The following CLSTN2 variants were observed in gnomAD, a reference collection of about 807,000 sequenced individuals.
CLSTN2 encodes the protein calsyntenin-2.
A neutral mutation model predicts 101.2 loss-of-function variants in CLSTN2; 48 were observed. The ratio of observed to expected loss-of-function variants is 0.47; its 90% CI spans 0.38 to 0.60. The LOEUF is 0.60. Ranked by LOEUF, CLSTN2 falls within the 20% of genes least tolerant of loss-of-function variation. CLSTN2 has a pLI of 0.00. For missense variants in CLSTN2, 1,160 were observed against 1,238.2 expected (o/e 0.94, Z 0.95); for synonymous variants, 481 against 463.6 (o/e 1.04, Z -0.48).
At chr3:140,262,328 T>A (rs1037853964) in intron 2 of CLSTN2, among the ~76,000 whole-genome samples, 5 of 152,226 alleles carry the variant, frequency 3.3e-5, no homozygotes, top group African/African-American at 1.2e-4. Flanking sequence ...CCAGTCAGCA[T>A]GGCTTTCAAT....
chr3:140,217,542 G>A (rs1351549922), intron 2 of CLSTN2, among the ~76,000 whole-genome samples: 1 of 152,174 alleles, frequency 6.6e-6, no homozygotes, highest in Non-Finnish European at 1.5e-5. Flanking sequence ...GACAAAAATA[G>A]GAAAATGTAT....
chr3:140,444,228 G>A (rs574845058), intron 5 of CLSTN2, among the ~76,000 whole-genome samples: 9 of 152,182 alleles, frequency 5.9e-5, no homozygotes, highest in Admixed American at 1.3e-4. Context: ...TCAGGAGTTC[G>A]AGACCAGCCT....
At chr3:140,467,189 C>A (rs952711115) in intron 8 of CLSTN2, among the ~76,000 whole-genome samples, 2 of 152,190 alleles carry the variant, frequency 1.3e-5, no homozygotes, top group Admixed American at 1.3e-4. Context: ...TTAGGCAGTG[C>A]ATGCTCTTTT....
At chr3:140,465,414 T>A (rs2108020288) in intron 7 of CLSTN2, among the ~76,000 whole-genome samples, 1 of 152,304 alleles carries the variant, frequency 6.6e-6, no homozygotes, top group South Asian at 2.1e-4. Context: ...AGAAAAGTGC[T>A]CATATCACTG....
chr3:140,213,639 T>C (rs535086628), intron 2 of CLSTN2, among the ~76,000 whole-genome samples: 18 of 152,326 alleles, frequency 1.2e-4, no homozygotes, highest in African/African-American at 4.1e-4. Context: ...CCCTCCTCTG[T>C]GCTACATTTA....
intron 1 of CLSTN2, among the ~76,000 whole-genome samples, chr3:140,156,931 C>G (rs2009963894): frequency 6.6e-6 from 1 of 152,062 alleles, no homozygotes; most frequent in African/African-American, 2.4e-5. Flanking sequence ...CTCGGAGGAC[C>G]TGGACAAACA....
intron 2 of CLSTN2, among the ~76,000 whole-genome samples, chr3:140,316,471 TATTTC>T (rs1031559621): frequency 3.0e-4 from 46 of 152,320 alleles, no homozygotes; most frequent in African/African-American, 9.1e-4. Context: ...CTCTTGCAAT[TATTTC>T]ATTTCTTTTC....
In CLSTN2 at chr3:140,427,199, A is replaced by ATGTG. The variant is rs1337143037; in HGVS notation, c.787+5926_787+5927insGTGT. 1.5e-3 allele frequency among the ~76,000 whole-genome samples: 114 copies of ATGTG among 74,856 alleles called. 6 individuals are homozygous for ATGTG. Among genetic ancestry groups the ATGTG allele is most frequent in the African/African-American group, 8.0e-3 (98 of 12,238 alleles). The allele number at this position is 74,856 out of a possible 152,430, so 49.1% of individuals were successfully genotyped here. On this transcript the variant is annotated intron_variant, in intron 5 of 16. Coordinates refer to ENST00000458420, the MANE Select transcript of CLSTN2 (RefSeq NM_022131.3). ...AAAAAAAAAAAATATATATATATAT[A>ATGTG]TATATGTGTATATATATATATATAT...
intron 2 of CLSTN2, among the ~76,000 whole-genome samples, chr3:140,357,705 T>C (rs1026721745): frequency 6.6e-5 from 10 of 152,152 alleles, no homozygotes; most frequent in Non-Finnish European, 1.0e-4. Context: ...TTTGTGTTTT[T>C]CTCAACATGC....
chr3:140,531,112 A>C (rs961308943), intron 8 of CLSTN2, among the ~76,000 whole-genome samples: 1 of 152,208 alleles, frequency 6.6e-6, no homozygotes, highest in East Asian at 1.9e-4. Context: ...CACCCAGCCC[A>C]GGGTTTGGTC....
At chr3:140,019,528 T>A (rs185419489) in intron 1 of CLSTN2, among the ~76,000 whole-genome samples, 1 of 152,358 alleles carries the variant, frequency 6.6e-6, no homozygotes, top group Admixed American at 6.5e-5. Flanking sequence ...TGGTTCTGTT[T>A]CTCTGGAAAA....
intron 1 of CLSTN2, among the ~76,000 whole-genome samples, chr3:140,102,682 G>T (rs1347431841): frequency 6.6e-6 from 1 of 152,194 alleles, no homozygotes; most frequent in East Asian, 1.9e-4. Context: ...GGTATGAGAG[G>T]CTGGGGAACA....
In CLSTN2 at chr3:140,577,328, C is replaced by T. The variant is rs1169721209; in HGVS notation, c.*11075C>T. 6.6e-6 allele frequency: 1 copy of T among 152,140 alleles called. No individual in the cohort carries two copies. Among genetic ancestry groups the T allele is most frequent in the Admixed American group, 6.5e-5 (1 of 15,270 alleles). The allele number at this position is 152,140 out of a possible 1,614,324, so 9.4% of individuals were successfully genotyped here. ...GCTTGTAAATGCCTACAAACTGATT[C>T]ATGTTGGTGGTCGTTATGACACTTT... On this transcript the variant is annotated 3_prime_UTR_variant, in exon 17 of 17. Transcript: ENST00000458420.
At chr3:140,104,219 CCA>C (rs2009015597) in intron 1 of CLSTN2, among the ~76,000 whole-genome samples, 1 of 152,170 alleles carries the variant, frequency 6.6e-6, no homozygotes, top group Non-Finnish European at 1.5e-5. Context: ...CTGGGTTTTT[CCA>C]CAGACAGTTC....
intron 1 of CLSTN2, among the ~76,000 whole-genome samples, chr3:140,002,894 G>C (rs997775356): frequency 2.6e-5 from 4 of 152,026 alleles, no homozygotes; most frequent in Non-Finnish European, 5.9e-5. Flanking sequence ...TTTGTTTCTG[G>C]GTTCTCTATT....
chr3:140,052,706 ATTC>A (rs2008020320), intron 1 of CLSTN2, among the ~76,000 whole-genome samples: 1 of 152,148 alleles, frequency 6.6e-6, no homozygotes, highest in Non-Finnish European at 1.5e-5. Context: ...TAGCCCTTTC[ATTC>A]TTCTCCTCAG....
At chr3:140,485,842 C>T (rs1263731652) in intron 8 of CLSTN2, among the ~76,000 whole-genome samples, 2 of 152,130 alleles carry the variant, frequency 1.3e-5, no homozygotes, top group Non-Finnish European at 2.9e-5. Context: ...ACCCGATTTT[C>T]CAGGTGCCGT....
At chr3:140,419,252 G>A (rs974336068) in intron 4 of CLSTN2, among the ~76,000 whole-genome samples, 2 of 151,038 alleles carry the variant, frequency 1.3e-5, no homozygotes, top group South Asian at 2.1e-4. Flanking sequence ...GGAGGATGAG[G>A]CAGGTGGATC....
At chr3:140,497,721 C>T (rs1037785979) in intron 8 of CLSTN2, among the ~76,000 whole-genome samples, 4 of 152,140 alleles carry the variant, frequency 2.6e-5, no homozygotes, top group African/African-American at 9.7e-5. Context: ...ATTCCTGGGG[C>T]CAGAGTCTAT....
Sources: allele counts gnomAD v4.1 joint callset (sites outside exome capture counted in the v4.1 genomes callset), GRCh38; gene constraint gnomAD v4.1.1; transcripts MANE v1.5; gene names NCBI Gene and HGNC (gene_info 2026-07-23, HGNC 2026-07-21).